Variants in GFPT2 observed in about 807,000 individuals in gnomAD.
GFPT2 encodes the protein glutamine--fructose-6-phosphate transaminase 2, also known as glutamine--fructose-6-phosphate aminotransferase [isomerizing] 2.
A neutral mutation model predicts 85.6 loss-of-function variants in GFPT2; 62 were observed. That is an observed-to-expected ratio of 0.72 (90% CI 0.59 to 0.90). GFPT2 has a LOEUF of 0.90. Among genes scored for constraint, GFPT2 ranks in the 40% least tolerant of loss-of-function variants. The probability of loss-of-function intolerance (pLI) is 0.00; values close to 1 mark genes in which losing one functional copy is unlikely to be tolerated. For synonymous variants in GFPT2, 368 were observed against 344.5 expected (o/e 1.07, Z -0.75); for missense variants, 788 against 893.4 (o/e 0.88, Z 1.50).
rs115888155 is a variant in GFPT2, at chr5:180,318,027, T to C, written c.958+766A>G. ...TGAAGCAAGTGAGGGGAATGAGGGG[T>C]GGCCACCATAGGGGAGGGGCTGGGG... On this transcript the variant is annotated intron_variant, in intron 10 of 18. Transcript: ENST00000253778. The surrounding 1 kb of genome is among the most constrained non-coding windows in gnomAD (Gnocchi z 4.2). Among the ~76,000 whole-genome samples the C allele has an allele frequency of 0.015, 2,195 of 150,408 alleles. 63 individuals are homozygous for C. Among genetic ancestry groups the C allele is most frequent in the African/African-American group, 0.051 (2,074 of 40,816 alleles).
chr5:180,353,254 G>T lies in GFPT2; in HGVS notation c.-37C>A, dbSNP rs962135960. The T allele has an allele frequency of 9.7e-6, 12 of 1,240,686 alleles. No homozygotes were observed. Among genetic ancestry groups the T allele is most frequent in the African/African-American group, 1.6e-5 (1 of 64,372 alleles). The allele number at this position is 1,240,686 out of a possible 1,614,324, so 76.9% of individuals were successfully genotyped here. A position where few individuals can be genotyped will look rare whatever the true frequency, so the allele number is the denominator to read the frequency against. On this transcript the variant is annotated 5_prime_UTR_variant, in exon 1 of 19. Transcript: ENST00000253778. ...CTCGGGCTCCTTCGCGGCTCGAGGGGGTCTGCCCGTTCGGACGCTGGGGCT... is the reference window on the plus strand; with the variant it reads ...CTCGGGCTCCTTCGCGGCTCGAGGGTGTCTGCCCGTTCGGACGCTGGGGCT...
chr5:180,313,904 A>ACGGTGAGAG lies in GFPT2; in HGVS notation c.1325_1333dup (p.Ala442_Thr444dup). 1 of 1,606,820 alleles carries ACGGTGAGAG rather than the reference A, an allele frequency of 6.2e-7. No homozygotes were observed. Among genetic ancestry groups the ACGGTGAGAG allele is most frequent in the Non-Finnish European group, 8.5e-7 (1 of 1,179,490 alleles). On this transcript the variant is annotated inframe_insertion, in exon 14 of 19. Coordinates refer to ENST00000253778, the MANE Select transcript of GFPT2 (RefSeq NM_005110.4). ...GCTGCCCACGGTGTTGGTGACGCCC[A>ACGGTGAGAG]CGGTGAGAGCGCCGCGGTCCTTACA...
intron 1 of GFPT2, among the ~76,000 whole-genome samples, chr5:180,343,578 CTG>C (rs1339124945): frequency 6.6e-6 from 1 of 152,270 alleles, no homozygotes; most frequent in East Asian, 1.9e-4. Context: ...GAAGGAAGCT[CTG>C]TTTCTTTGCT....
chr5:180,304,084 G>A (rs1013186628), intron 17 of GFPT2, among the ~76,000 whole-genome samples: 4 of 152,120 alleles, frequency 2.6e-5, no homozygotes, highest in East Asian at 1.9e-4. Flanking sequence ...CTGGACACTG[G>A]AGCTAGCAGC....
intron 4 of GFPT2, among the ~76,000 whole-genome samples, chr5:180,333,042 G>GC (rs1356395850): frequency 6.6e-6 from 1 of 152,108 alleles, no homozygotes; most frequent in Admixed American, 6.5e-5. Context: ...AATAAGAAAA[G>GC]CCCAGTTTCA....
At chr5:180,313,475 A>G (rs1336618154) in intron 14 of GFPT2, among the ~76,000 whole-genome samples, 2 of 150,270 alleles carry the variant, frequency 1.3e-5, no homozygotes, top group East Asian at 2.0e-4. Flanking sequence ...CTGTAGTCCC[A>G]GCTACTCGGG....
Position 180,339,565 on chromosome 5 carries a change from TG to T in GFPT2, c.8-966del, listed in dbSNP as rs962323522. ...CCAAACAGAAAGTTAGCCGTTGTGT[TG>T]GTTCTGCCTTCCAGATTCCTCCACT... On this transcript the variant is annotated intron_variant, in intron 1 of 18. Coordinates refer to ENST00000253778, the MANE Select transcript of GFPT2 (RefSeq NM_005110.4). Among the ~76,000 whole-genome samples the T allele has an allele frequency of 1.0e-3, 159 of 152,306 alleles. 1 individual carries two copies. Among genetic ancestry groups the T allele is most frequent in the African/African-American group, 3.5e-3 (145 of 41,570 alleles).
chr5:180,338,333 G>A (rs1331495076), intron 2 of GFPT2, among the ~76,000 whole-genome samples, 160 bp downstream of exon 2: 1 of 152,046 alleles, frequency 6.6e-6, no homozygotes, highest in East Asian at 1.9e-4. Flanking sequence ...CATAGTTTTC[G>A]AATTTCTTTA....
intron 9 of GFPT2, among the ~76,000 whole-genome samples, chr5:180,319,986 T>C (rs1403840399): frequency 6.6e-6 from 1 of 151,900 alleles, no homozygotes; most frequent in Non-Finnish European, 1.5e-5. Flanking sequence ...CATAGGGTCA[T>C]TGTGTTTATT....
At chr5:180,339,241 G>A (rs1281846557) in intron 1 of GFPT2, among the ~76,000 whole-genome samples, 2 of 152,102 alleles carry the variant, frequency 1.3e-5, no homozygotes, top group African/African-American at 4.8e-5. Flanking sequence ...TTAGCTGGGT[G>A]TGGTGGTGTG....
intron 8 of GFPT2, 98 bp downstream of exon 8, chr5:180,324,718 G>GTT: frequency 1.2e-6 from 1 of 826,608 alleles, no homozygotes; most frequent in South Asian, 1.3e-5. Flanking sequence ...TCAGAGTGGG[G>GTT]TTTCCTTGCC....
At chr5:180,305,681 G>A (rs1052605060) in intron 16 of GFPT2, among the ~76,000 whole-genome samples, 6 of 152,148 alleles carry the variant, frequency 3.9e-5, no homozygotes, top group Non-Finnish European at 5.9e-5. Context: ...AGACTCATGC[G>A]GAGGCATAGC....
intron 1 of GFPT2, among the ~76,000 whole-genome samples, chr5:180,344,500 G>A (rs897329168): frequency 1.3e-5 from 2 of 152,182 alleles, no homozygotes; most frequent in African/African-American, 4.8e-5. Flanking sequence ...AGGCCTGAGG[G>A]TTAACATGGA....
Position 180,335,764 on chromosome 5 carries a change from G to T in GFPT2, c.340+64C>A, listed in dbSNP as rs1326261151. 4 of 1,534,674 alleles carry T rather than the reference G, an allele frequency of 2.6e-6. No homozygotes were observed. The South Asian group carries it at 3.7e-5, about 14-fold the overall frequency. ...GTGGGCGCGGAACCTGCTTTGGCGG[G>T]CACTGGCCCTGACACAGCTCAGGGT... On this transcript the variant is annotated intron_variant, in intron 4 of 18. Transcript: ENST00000253778.
Position 180,330,577 on chromosome 5 carries a change from G to T in GFPT2, c.534+123C>A. On this transcript the variant is annotated intron_variant, in intron 6 of 18. Transcript: ENST00000253778. The surrounding 1 kb of genome is among the most constrained non-coding windows in gnomAD (Gnocchi z 4.4). ...GGCTGTCTTTTATCCCCAGGACTCTGTGCAAGTTTGTCTAACAAGGGCTTA... is the reference window on the plus strand; with the variant it reads ...GGCTGTCTTTTATCCCCAGGACTCTTTGCAAGTTTGTCTAACAAGGGCTTA... 1.3e-6 allele frequency: 1 copy of T among 766,426 alleles called. No homozygotes were observed. Among genetic ancestry groups the T allele is most frequent in the Non-Finnish European group, 2.2e-6 (1 of 457,304 alleles). 47.5% of individuals were successfully genotyped at this position (766,426 alleles called of 1,614,324 possible).
At chr5:180,342,309 A>T (rs1764531978) in intron 1 of GFPT2, among the ~76,000 whole-genome samples, 1 of 152,116 alleles carries the variant, frequency 6.6e-6, no homozygotes, top group Non-Finnish European at 1.5e-5. Flanking sequence ...TGGAGACATA[A>T]GTCATGTACC....
intron 15 of GFPT2, among the ~76,000 whole-genome samples, chr5:180,308,364 A>G: frequency 6.6e-6 from 1 of 152,208 alleles, no homozygotes; most frequent in Non-Finnish European, 1.5e-5. Flanking sequence ...CATTTCCAAC[A>G]AGAATTAGTG....
chr5:180,347,302 G>A (rs1030921707), intron 1 of GFPT2, among the ~76,000 whole-genome samples: 4 of 152,242 alleles, frequency 2.6e-5, no homozygotes, highest in African/African-American at 9.6e-5. Context: ...CCTACCAGCA[G>A]GAGAGCCCAG....
At chr5:180,338,315 T>C (rs1007015163) in intron 2 of GFPT2, among the ~76,000 whole-genome samples, 178 bp downstream of exon 2, 1 of 152,222 alleles carries the variant, frequency 6.6e-6, no homozygotes, top group African/African-American at 2.4e-5. Flanking sequence ...TTGCTTCTTC[T>C]ATTTTTCCAT....
Sources: allele counts gnomAD v4.1 joint callset (sites outside exome capture counted in the v4.1 genomes callset), GRCh38; gene constraint gnomAD v4.1.1; non-coding constraint Gnocchi (gnomAD v3.1); transcripts MANE v1.5; gene names NCBI Gene and HGNC (gene_info 2026-07-23, HGNC 2026-07-21).